MYOF: variants seen among roughly 807,000 people sequenced by gnomAD.
The protein encoded by MYOF is fer-1-like 3, myoferlin.
Under a neutral mutation model 284.2 loss-of-function variants are expected in MYOF, and 244 were observed. The observed-to-expected ratio is 0.86, with a 90% CI of 0.77 to 0.95. The LOEUF is 0.95. Ranked by LOEUF, MYOF falls within the 40% of genes least tolerant of loss-of-function variation. MYOF has a pLI of 0.00. For synonymous variants in MYOF, 904 were observed against 919.7 expected, an observed-to-expected ratio of 0.98 and a Z score of 0.31; for missense variants, 2,496 against 2,560.6, an observed-to-expected ratio of 0.97 and a Z score of 0.54.
intron 1 of MYOF, among the ~76,000 whole-genome samples, chr10:93,458,684 C>T (rs550515835): frequency 2.0e-5 from 3 of 152,230 alleles, no homozygotes; most frequent in Admixed American, 6.5e-5. Context: ...AAGCCGAGAT[C>T]GTGTCACTGC....
At position 93,323,064 on chromosome 10, in the gene MYOF, C is replaced by G. The variant is rs769317984; in HGVS notation, c.5456+14G>C. The G allele has an allele frequency of 2.5e-6, 4 of 1,609,890 alleles. No homozygotes were observed. The highest frequency in any genetic ancestry group is 3.4e-6 in the Non-Finnish European group (4 of 1,176,098). The stretch of plus-strand genomic sequence containing the variant: ...TCCCTGAGCTTGGCAAAGTCTCTCA[C>G]ATGCTAACCTTACCCTTTGACGTAG... On this transcript the variant is annotated intron_variant, in intron 48 of 53. Transcript: ENST00000359263.
At position 93,359,874 on chromosome 10, in the gene MYOF, G is replaced by A. The variant is rs542817561; in HGVS notation, c.3079C>T (p.Arg1027Cys). The A allele has an allele frequency of 5.6e-6, 9 of 1,614,164 alleles. No individual in the cohort carries two copies. Among genetic ancestry groups the A allele is most frequent in the Admixed American group, 3.3e-5 (2 of 60,020 alleles). The change falls in exon 29 of 54, where the codon CGC (arginine) becomes TGC (cysteine). Residue 1027 changes from arginine (R) to cysteine (C), a missense_variant. Physicochemically the swap from Arg to Cys is radical, Grantham distance 180. Transcript: ENST00000359263. ...THRRRRLVRKRKKDLTQTASS... is the reference protein window; with the variant it reads ...THRRRRLVRKCKKDLTQTASS... Reference sequence around the variant, plus strand: ...GCAGTCTGTGTTAAATCTTTCTTGCGTTTTCGGACCAGCCTTCGCCGTCTA... The same window carrying A: ...GCAGTCTGTGTTAAATCTTTCTTGCATTTTCGGACCAGCCTTCGCCGTCTA...
chr10:93,388,713 T>G (rs696178), intron 18 of MYOF, among the ~76,000 whole-genome samples: 122,061 of 152,224 alleles, frequency 0.8, 49,156 homozygotes, highest in East Asian at 0.98. Flanking sequence ...GGTTTCAGGG[T>G]GCATGCCACT....
intron 3 of MYOF, among the ~76,000 whole-genome samples, chr10:93,445,407 G>T (rs548367632): frequency 1.2e-4 from 19 of 152,340 alleles, no homozygotes; most frequent in African/African-American, 4.6e-4. Context: ...TATAACCATT[G>T]GCTGCCTGCA....
chr10:93,352,587 T>C (rs1011301970), intron 32 of MYOF, among the ~76,000 whole-genome samples: 1 of 152,224 alleles, frequency 6.6e-6, no homozygotes, highest in Non-Finnish European at 1.5e-5. Context: ...AATAATTTCA[T>C]CAAACTTTTT....
At chr10:93,401,792 CGTGTGTGTGTGT>C (rs57326000) in intron 11 of MYOF, among the ~76,000 whole-genome samples, 9 of 94,386 alleles carry the variant, frequency 9.5e-5, no homozygotes, top group African/African-American at 2.2e-4. Flanking sequence ...AGAGCCTGTG[CGTGTGTGTGTGT>C]GTGTGTGTGT....
intron 1 of MYOF, among the ~76,000 whole-genome samples, chr10:93,471,423 G>A (rs7911195): frequency 0.054 from 8,197 of 152,164 alleles, 516 homozygotes; most frequent in East Asian, 0.25. Context: ...CAGAGAGAGA[G>A]GAACTGTTTA....
chr10:93,466,655 G>A (rs2057015069), intron 1 of MYOF, among the ~76,000 whole-genome samples: 2 of 152,180 alleles, frequency 1.3e-5, no homozygotes, highest in Admixed American at 6.5e-5. Flanking sequence ...TGTGTGCTGG[G>A]CATATTAAAC....
chr10:93,467,438 A>C (rs967233897), intron 1 of MYOF, among the ~76,000 whole-genome samples: 10 of 148,126 alleles, frequency 6.8e-5, no homozygotes, highest in Non-Finnish European at 1.2e-4. Flanking sequence ...TGTCCTTGCG[A>C]TAGTTTGCTG....
rs757691174 is a variant in MYOF, at chr10:93,355,751, CAG to C, written c.3295-17_3295-16del. The stretch of plus-strand genomic sequence containing the variant: ...GTGTCTGCCCCCTGAAGTCAATTAA[CAG>C]AGTCAATTAGCAGAGAAGTCAATAA... On this transcript the variant is annotated splice_polypyrimidine_tract_variant and intron_variant, in intron 30 of 53. Coordinates refer to ENST00000359263, the MANE Select transcript of MYOF (RefSeq NM_013451.4). 8.8e-6 allele frequency: 14 copies of C among 1,599,354 alleles called. No homozygotes were observed. The highest frequency in any genetic ancestry group is 5.0e-5 in the Admixed American group (3 of 59,786).
intron 3 of MYOF, among the ~76,000 whole-genome samples, chr10:93,443,621 C>A (rs1285310591): frequency 2.6e-5 from 4 of 152,094 alleles, no homozygotes; most frequent in Non-Finnish European, 4.4e-5. Flanking sequence ...CCTTTTCTTG[C>A]ATTGCAGCAT....
At chr10:93,428,167 C>A (rs1201370731) in intron 4 of MYOF, among the ~76,000 whole-genome samples, 3 of 150,274 alleles carry the variant, frequency 2.0e-5, no homozygotes, top group South Asian at 4.2e-4. Context: ...GACATAGTTA[C>A]ACTGAGAAAT....
chr10:93,363,215 C>T (rs1845158847), intron 27 of MYOF, among the ~76,000 whole-genome samples: 1 of 152,146 alleles, frequency 6.6e-6, no homozygotes, highest in African/African-American at 2.4e-5. Flanking sequence ...TCTATTTAGG[C>T]AGGGAAAAAG....
chr10:93,481,975 T>C, intron 1 of MYOF, 132 bp downstream of exon 1: 1 of 818,374 alleles, frequency 1.2e-6, no homozygotes, highest in South Asian at 1.6e-5. Context: ...TCCCCTGTCC[T>C]GCGCAGGTAA....
rs74845219 is a variant in MYOF at position 93,393,096 on chromosome 10, A to G, written c.1418-141T>C. ...TCCCAAATTCAGACCCAAGTCACAT[A>G]TGACCCTTTTGTAATGTATACAATT... On this transcript the variant is annotated intron_variant, in intron 16 of 53. Coordinates refer to ENST00000359263, the MANE Select transcript of MYOF (RefSeq NM_013451.4). 8,537 of 710,096 alleles carry G rather than the reference A, an allele frequency of 0.012. 506 individuals carry two copies. The African/African-American group carries it at 0.13, about 11-fold the overall frequency. The allele number at this position is 710,096 out of a possible 1,614,324, so 44.0% of individuals were successfully genotyped here.
chr10:93,426,006 C>G, intron 5 of MYOF, 65 bp downstream of exon 5: 1 of 1,478,906 alleles, frequency 6.8e-7, no homozygotes, highest in Non-Finnish European at 9.2e-7. Flanking sequence ...TCTCCAGACA[C>G]TCTCCTGTGT....
intron 1 of MYOF, among the ~76,000 whole-genome samples, chr10:93,479,076 T>C (rs547481563): frequency 6.6e-6 from 1 of 152,126 alleles, no homozygotes; most frequent in South Asian, 2.1e-4. Flanking sequence ...AGAGGCAAAA[T>C]GTTTACATAT....
At chr10:93,368,603 G>A (rs1161245459) in intron 25 of MYOF, among the ~76,000 whole-genome samples, 3 of 152,206 alleles carry the variant, frequency 2.0e-5, no homozygotes, top group Non-Finnish European at 4.4e-5. Flanking sequence ...TGGTTGGGTG[G>A]ACAGTAGGAC....
At chr10:93,385,843 CTTTTT>C (rs34820102) in intron 19 of MYOF, among the ~76,000 whole-genome samples, 1 of 142,876 alleles carries the variant, frequency 7.0e-6, no homozygotes, top group Non-Finnish European at 1.5e-5. Context: ...ATATTGTTGA[CTTTTT>C]TTTTTTTTTG....
Sources: gnomAD v4.1 joint callset for allele counts (sites outside exome capture counted in the v4.1 genomes callset) on GRCh38, gnomAD v4.1.1 for gene constraint, MANE v1.5 for transcripts, NCBI Gene and HGNC (gene_info 2026-07-23, HGNC 2026-07-21) for gene names.